Variants in MBD5 observed in about 807,000 individuals in gnomAD.
MBD5 encodes the protein methyl-CpG-binding domain protein 5.
MBD5 carries 13 observed loss-of-function variants against 117.3 expected under a neutral mutation model. The observed-to-expected ratio is 0.11, with a 90% confidence interval of 0.07 to 0.18. The LOEUF is 0.18. Ranked by LOEUF, MBD5 falls within the 10% of genes least tolerant of loss-of-function variation. The probability of loss-of-function intolerance (pLI) is 1.00; values close to 1 mark genes in which losing one functional copy is unlikely to be tolerated. For synonymous variants in MBD5, 727 were observed against 766.4 expected (o/e 0.95, Z 0.85); for missense variants, 1,879 against 2,093.8 (o/e 0.90, Z 2.00).
chr2:148,093,592 G>A (rs897815911), intron 1 of MBD5, among the ~76,000 whole-genome samples: 3 of 152,104 alleles, frequency 2.0e-5, no homozygotes, highest in Admixed American at 2.0e-4. Context: ...TTGAATAATT[G>A]TAGCCCTGTG....
At chr2:148,118,794 G>C (rs1213192197) in intron 1 of MBD5, among the ~76,000 whole-genome samples, 3 of 151,950 alleles carry the variant, frequency 2.0e-5, no homozygotes, top group Non-Finnish European at 4.4e-5. Flanking sequence ...ATGGTGATTT[G>C]TCACTGACTT....
intron 3 of MBD5, among the ~76,000 whole-genome samples, chr2:148,314,788 T>A (rs1702120525): frequency 6.6e-6 from 1 of 152,200 alleles, no homozygotes; most frequent in South Asian, 2.1e-4. Context: ...TAACTATCTC[T>A]TACTCAACAT....
intron 4 of MBD5, among the ~76,000 whole-genome samples, chr2:148,436,351 TG>T (rs1706157213): frequency 6.6e-6 from 1 of 152,130 alleles, no homozygotes; most frequent in Admixed American, 6.5e-5. Context: ...TTGGTTTTTT[TG>T]TTGCTGTTGT....
At chr2:148,283,554 A>C (rs1574237272) in intron 3 of MBD5, among the ~76,000 whole-genome samples, 1 of 152,282 alleles carries the variant, frequency 6.6e-6, no homozygotes, top group East Asian at 1.9e-4. Flanking sequence ...TTCCTTTCCT[A>C]TTCAGATAAA....
chr2:148,171,218 T>C (rs1047747356), intron 1 of MBD5, among the ~76,000 whole-genome samples: 2 of 152,176 alleles, frequency 1.3e-5, no homozygotes, highest in African/African-American at 4.8e-5. Context: ...ATGTATATAT[T>C]ATGCAAATAT....
intron 1 of MBD5, among the ~76,000 whole-genome samples, chr2:148,113,478 G>C (rs1334430520): frequency 6.6e-6 from 1 of 152,140 alleles, no homozygotes; most frequent in Non-Finnish European, 1.5e-5. Context: ...TTTTGTTGGA[G>C]GACTAGAAGA....
chr2:148,095,153 T>G (rs1052530822), intron 1 of MBD5, among the ~76,000 whole-genome samples: 6 of 152,226 alleles, frequency 3.9e-5, no homozygotes, highest in African/African-American at 1.4e-4. Context: ...GTTGGATCAC[T>G]TTTAGTAAAT....
chr2:148,243,901 A>T (rs1300596192), intron 3 of MBD5: 2 of 151,936 alleles, frequency 1.3e-5, no homozygotes, highest in Non-Finnish European at 2.9e-5. Flanking sequence ...TAGCACTATG[A>T]TTCTATAGAA....
At position 148,461,173 on chromosome 2, in the gene MBD5, T is replaced by C. The variant is rs548246578; in HGVS notation, c.114-1409T>C. Among the ~76,000 whole-genome samples, 18 of 152,338 alleles carry C rather than the reference T, an allele frequency of 1.2e-4. No homozygotes were observed. In the East Asian group the frequency reaches 3.3e-3, roughly 28 times the overall value. On this transcript the variant is annotated intron_variant, in intron 5 of 13. Transcript: ENST00000642680. ...GTCTCAAATTCCTGACCTCAAGTGA[T>C]CCGCCTGCCTCGGCCTCCCAAAGTG... is the stretch of plus-strand genomic sequence containing the variant.
intron 2 of MBD5, 104 bp downstream of exon 2, chr2:148,178,897 G>A (rs1039053137): frequency 3.1e-5 from 12 of 391,576 alleles, no homozygotes; most frequent in African/African-American, 2.1e-4. Flanking sequence ...CACTGCTCCT[G>A]TCTAAGTTAC....
intron 1 of MBD5, among the ~76,000 whole-genome samples, chr2:148,058,526 C>T (rs1694937864): frequency 6.6e-6 from 1 of 151,778 alleles, no homozygotes; most frequent in African/African-American, 2.4e-5. Context: ...TATTTATTTG[C>T]ATTGCAAATG....
intron 2 of MBD5, among the ~76,000 whole-genome samples, chr2:148,195,382 A>G (rs999580203): frequency 9.9e-5 from 15 of 152,212 alleles, no homozygotes; most frequent in Non-Finnish European, 1.5e-5. Context: ...CCACTTAACA[A>G]TAGATCTTAA....
At chr2:148,123,471 T>C (rs150992641) in intron 1 of MBD5, among the ~76,000 whole-genome samples, 17 of 152,320 alleles carry the variant, frequency 1.1e-4, no homozygotes, top group African/African-American at 4.1e-4. Context: ...GTAAAAAATA[T>C]AGTCAGAGGT....
intron 3 of MBD5, among the ~76,000 whole-genome samples, chr2:148,241,491 C>A (rs1700214800): frequency 6.6e-6 from 1 of 152,218 alleles, no homozygotes; most frequent in South Asian, 2.1e-4. Flanking sequence ...TTACTTTCCA[C>A]TGGGTTTTTT....
intron 1 of MBD5, among the ~76,000 whole-genome samples, chr2:148,041,986 G>A (rs1179645781): frequency 6.6e-6 from 1 of 152,334 alleles, no homozygotes; most frequent in Non-Finnish European, 1.5e-5. Context: ...CTGAGAGAGA[G>A]TGATAAGGAG....
intron 2 of MBD5, among the ~76,000 whole-genome samples, chr2:148,197,431 C>A (rs1270780897): frequency 6.6e-6 from 1 of 152,206 alleles, no homozygotes; most frequent in African/African-American, 2.4e-5. Context: ...AAAAAAGGTT[C>A]TGTTTCCAGG....
At chr2:148,449,270 C>T (rs1270509529) in intron 4 of MBD5, among the ~76,000 whole-genome samples, 1 of 152,088 alleles carries the variant, frequency 6.6e-6, no homozygotes, top group Non-Finnish European at 1.5e-5. Context: ...TAGACCTTCA[C>T]TTCCCACCTC....
chr2:148,024,886 G>A lies in MBD5; in HGVS notation c.-925+3202G>A, dbSNP rs576057341. 14 of 152,250 alleles carry A rather than the reference G, an allele frequency of 9.2e-5. No individual in the cohort carries two copies. The East Asian group carries it at 2.7e-3, about 29-fold the overall frequency. The allele number at this position is 152,250 out of a possible 1,614,324, so 9.4% of individuals were successfully genotyped here. A position where few individuals can be genotyped will look rare whatever the true frequency, so the allele number is the denominator to read the frequency against. On this transcript the variant is annotated intron_variant, in intron 1 of 13. Coordinates refer to ENST00000642680, the MANE Select transcript of MBD5 (RefSeq NM_001378120.1). ...TGCAATAGGTTGTTGGAATGATTAG[G>A]CCGCTTTTACCAGCTCTATAAAACA...
chr2:148,498,358 C>CGTTTTTGTTTGTTTG (rs1224336961), intron 11 of MBD5, among the ~76,000 whole-genome samples: 1 of 152,134 alleles, frequency 6.6e-6, no homozygotes, highest in Non-Finnish European at 1.5e-5. Flanking sequence ...CCAGGTTCTT[C>CGTTTTTGTTTGTTTG]GTTTTTGTTT....
Sources: gnomAD v4.1 joint callset for allele counts (sites outside exome capture counted in the v4.1 genomes callset) on GRCh38, gnomAD v4.1.1 for gene constraint, MANE v1.5 for transcripts, NCBI Gene and HGNC (gene_info 2026-07-23, HGNC 2026-07-21) for gene names.